KCNJ4: variants seen among roughly 807,000 people sequenced by gnomAD.
KCNJ4 encodes potassium inwardly rectifying channel subfamily J member 4, also known as inward rectifier potassium channel 4.
Under a neutral mutation model 25.6 loss-of-function variants are expected in KCNJ4, and 3 were observed. The ratio of observed to expected loss-of-function variants is 0.12; its 90% CI spans 0.05 to 0.30. The LOEUF (loss-of-function observed/expected upper bound fraction) is 0.30. KCNJ4 is among the 10% of genes least tolerant of loss of function. The pLI is 1.00. For synonymous variants in KCNJ4, 257 were observed against 283.9 expected, an observed-to-expected ratio of 0.91 and a Z score of 0.95; for missense variants, 286 against 666.8, an observed-to-expected ratio of 0.43 and a Z score of 6.29.
At chr22:38,438,698 A>G (rs546992571) in intron 1 of KCNJ4, among the ~76,000 whole-genome samples, 66 of 123,370 alleles carry the variant, frequency 5.3e-4, no homozygotes, top group Non-Finnish European at 6.5e-4. Flanking sequence ...AAAAAAAAAA[A>G]GAAAAAAAGA....
intron 1 of KCNJ4, among the ~76,000 whole-genome samples, chr22:38,447,539 G>A (rs1445289062): frequency 6.6e-6 from 1 of 152,152 alleles, no homozygotes; most frequent in Non-Finnish European, 1.5e-5. Context: ...ACAGGGCAGA[G>A]GGTCCTGGGC....
chr22:38,435,276 C>T (rs1489422176), intron 1 of KCNJ4, among the ~76,000 whole-genome samples: 2 of 152,234 alleles, frequency 1.3e-5, no homozygotes, highest in Admixed American at 1.3e-4. Flanking sequence ...GAGGCTGACT[C>T]TCCAGCAAAT....
chr22:38,427,863 G>A lies in KCNJ4; in HGVS notation c.270C>T (p.Ser90=), dbSNP rs574792093. The change falls in exon 2 of 2, where the codon AGC becomes AGT. Residue 90 remains serine (S), a synonymous_variant. Coordinates refer to ENST00000303592, the MANE Select transcript of KCNJ4 (RefSeq NM_152868.3). ...IAFFHGDLEA[S]PGVPAAGGPA... ...GGCCCCCCGCCGCAGGCACCCCTGG[G>A]CTGGCCTCCAGGTCACCGTGGAAGA... is the stretch of plus-strand genomic sequence containing the variant. 1.2e-5 allele frequency: 19 copies of A among 1,611,238 alleles called. No homozygotes were observed. The South Asian group carries it at 1.6e-4, about 14-fold the overall frequency.
Position 38,448,587 on chromosome 22 carries a change from G to A in KCNJ4, c.-40+6393C>T, listed in dbSNP as rs574696034. 1.2e-3 allele frequency among the ~76,000 whole-genome samples: 186 copies of A among 152,256 alleles called. 3 individuals are homozygous for A. The South Asian group carries it at 0.037, about 30-fold the overall frequency. ...GCTTAAAGAGACCCAGACCCTGCTCGCCTCCCACAGACCCCACAGCTCTGG... is the reference window on the plus strand; with the variant it reads ...GCTTAAAGAGACCCAGACCCTGCTCACCTCCCACAGACCCCACAGCTCTGG... On this transcript the variant is annotated intron_variant, in intron 1 of 1. Transcript: ENST00000303592.
rs751305792 is a variant in KCNJ4, at chr22:38,427,983, G to A, written c.150C>T (p.Cys50=). Residue 50 remains cysteine, a synonymous_variant, in exon 2 of 2, where the codon TGC becomes TGT. Coordinates refer to ENST00000303592, the MANE Select transcript of KCNJ4 (RefSeq NM_152868.3). The part of the protein sequence containing the change: ...QRYMADIFTT[C]VDTRWRYMLM... ...GCATGTAGCGCCAGCGCGTGTCCAC[G>A]CAGGTGGTGAAGATGTCCGCCATGT... is the stretch of plus-strand genomic sequence containing the variant. 4.2e-5 allele frequency: 68 copies of A among 1,614,088 alleles called. No individual in the cohort carries two copies. Among genetic ancestry groups the A allele is most frequent in the Non-Finnish European group, 5.5e-5 (65 of 1,180,024 alleles).
chr22:38,430,251 C>G (rs2093045571), intron 1 of KCNJ4, among the ~76,000 whole-genome samples: 1 of 152,206 alleles, frequency 6.6e-6, no homozygotes, highest in Non-Finnish European at 1.5e-5. Flanking sequence ...GCCTGTAATC[C>G]CAGCACTTTG....
Position 38,443,278 on chromosome 22 carries a change from C to A in KCNJ4, c.-40+11702G>T, listed in dbSNP as rs1251370782. On this transcript the variant is annotated intron_variant, in intron 1 of 1. Coordinates refer to ENST00000303592, the MANE Select transcript of KCNJ4 (RefSeq NM_152868.3). This position sits in a 1 kb window ranked among gnomAD's most constrained non-coding sequence, Gnocchi z 4.1. The stretch of plus-strand genomic sequence containing the variant: ...CCGTGCAGTGCCCAGCTCCGCCATC[C>A]CACCTCCCTTCTCTTCTCCCCAGTC... Among the ~76,000 whole-genome samples the A allele has an allele frequency of 6.6e-6, 1 of 152,132 alleles. No individual in the cohort carries two copies. The highest frequency in any genetic ancestry group is 2.4e-5 in the African/African-American group (1 of 41,432).
At chr22:38,440,962 C>T (rs527810838) in intron 1 of KCNJ4, among the ~76,000 whole-genome samples, 1 of 152,250 alleles carries the variant, frequency 6.6e-6, no homozygotes, top group South Asian at 2.1e-4. Flanking sequence ...GAGCTGGGTG[C>T]ATGAGATGGT....
intron 1 of KCNJ4, among the ~76,000 whole-genome samples, chr22:38,441,185 G>A (rs192268389): frequency 2.2e-3 from 341 of 152,264 alleles, no homozygotes; most frequent in African/African-American, 5.0e-3. Flanking sequence ...AGAGTTGCCC[G>A]GTAGGCCCTG....
chr22:38,438,862 C>T (rs1191377973), intron 1 of KCNJ4, among the ~76,000 whole-genome samples: 6 of 152,218 alleles, frequency 3.9e-5, no homozygotes, highest in Non-Finnish European at 7.3e-5. Context: ...GGATGTCCCC[C>T]TCAGGGCTGG....
intron 1 of KCNJ4, among the ~76,000 whole-genome samples, chr22:38,439,028 G>A (rs757364028): frequency 6.6e-6 from 1 of 152,226 alleles, no homozygotes; most frequent in Non-Finnish European, 1.5e-5. Flanking sequence ...GAAGGATCAC[G>A]TGAGGCCGTG....
intron 1 of KCNJ4, among the ~76,000 whole-genome samples, chr22:38,436,198 G>A (rs1310631561): frequency 6.6e-6 from 1 of 152,210 alleles, no homozygotes; most frequent in African/African-American, 2.4e-5. Context: ...GAGGACAAAT[G>A]GGATCATGCA....
chr22:38,428,155 C>T lies in KCNJ4; in HGVS notation c.-23G>A. ...CATGTCCTGAAGCCGGCGTGGTCAC[C>T]TGGGAAGACGCAGGGCCTGCGGAGG... On this transcript the variant is annotated 5_prime_UTR_variant, in exon 2 of 2. Transcript: ENST00000303592. The T allele has an allele frequency of 6.3e-7, 1 of 1,593,322 alleles. No individual in the cohort carries two copies. Among genetic ancestry groups the T allele is most frequent in the Non-Finnish European group, 8.6e-7 (1 of 1,168,276 alleles).
At chr22:38,448,056 T>G (rs1420472802) in intron 1 of KCNJ4, among the ~76,000 whole-genome samples, 1 of 92,234 alleles carries the variant, frequency 1.1e-5, no homozygotes, top group Non-Finnish European at 2.1e-5. Context: ...ACAGTGAGAC[T>G]CTCAAAAAAA....
chr22:38,428,283 A>G (rs2145930818), intron 1 of KCNJ4, 112 bp from the exon 2 acceptor site: 1 of 1,016,980 alleles, frequency 9.8e-7, no homozygotes. Context: ...ACCAGGACCT[A>G]AGACTTCCTC....
Position 38,449,901 on chromosome 22 carries a change from G to A in KCNJ4, c.-40+5079C>T, listed in dbSNP as rs996120520. ...GGCCAAGACCAGAGCAAGCCAGAGC[G>A]TGAGCTCACCCCTGCTCCCCATGCT... On this transcript the variant is annotated intron_variant, in intron 1 of 1. Coordinates refer to ENST00000303592, the MANE Select transcript of KCNJ4 (RefSeq NM_152868.3). The surrounding 1 kb of genome is among the most constrained non-coding windows in gnomAD (Gnocchi z 5.2). Among the ~76,000 whole-genome samples the A allele has an allele frequency of 4.6e-5, 7 of 152,352 alleles. No homozygotes were observed. The highest frequency in any genetic ancestry group is 1.9e-4 in the East Asian group (1 of 5,176).
intron 1 of KCNJ4, among the ~76,000 whole-genome samples, chr22:38,452,994 G>A (rs2083725): frequency 3.3e-5 from 5 of 151,448 alleles, no homozygotes; most frequent in Non-Finnish European, 5.9e-5. Flanking sequence ...TCCCCGCAGA[G>A]GGGCCCCCTC....
In KCNJ4 at chr22:38,427,268, T is replaced by C; in HGVS notation, c.865A>G (p.Ile289Val). Residue 289 changes from isoleucine to valine, a missense_variant, in exon 2 of 2, where the codon ATC becomes GTC. Coordinates refer to ENST00000303592, the MANE Select transcript of KCNJ4 (RefSeq NM_152868.3). ...GTGGCCTCCACCATGCCCTCCAGGATGACCACGATCTCAAAGTCCTCCGAC... is the reference window on the plus strand; with the variant it reads ...GTGGCCTCCACCATGCCCTCCAGGACGACCACGATCTCAAAGTCCTCCGAC... Reference protein sequence around the residue: ...LESEDFEIVVILEGMVEATAM... With the variant: ...LESEDFEIVVVLEGMVEATAM... 6.2e-7 allele frequency: 1 copy of C among 1,613,768 alleles called. No individual in the cohort carries two copies. The highest frequency in any genetic ancestry group is 8.5e-7 in the Non-Finnish European group (1 of 1,180,014).
chr22:38,427,856 C>A lies in KCNJ4; in HGVS notation c.277G>T (p.Val93Leu), dbSNP rs151225276. 4.3e-6 allele frequency: 7 copies of A among 1,610,988 alleles called. No individual in the cohort carries two copies. Among genetic ancestry groups the A allele is most frequent in the Non-Finnish European group, 5.1e-6 (6 of 1,178,426 alleles). ...GCCGCCGGGCCCCCCGCCGCAGGCA[C>A]CCCTGGGCTGGCCTCCAGGTCACCG... ...FHGDLEASPG[V>L]PAAGGPAAGG... Residue 93 changes from valine to leucine, a missense_variant, in exon 2 of 2, where the codon GTG (valine) becomes TTG (leucine). Physicochemically the swap from Val to Leu is conservative, Grantham distance 32. Transcript: ENST00000303592.
Sources: gnomAD v4.1 joint callset for allele counts (sites outside exome capture counted in the v4.1 genomes callset) on GRCh38, gnomAD v4.1.1 for gene constraint, Gnocchi (gnomAD v3.1) non-coding constraint, MANE v1.5 for transcripts, NCBI Gene and HGNC (gene_info 2026-07-23, HGNC 2026-07-21) for gene names.